SMARCAL1: variants seen among roughly 807,000 people sequenced by gnomAD.
SMARCAL1 encodes SNF2 related chromatin remodeling annealing helicase 1, also known as ATP-driven annealing helicase.
SMARCAL1 carries 58 observed loss-of-function variants against 94.5 expected under a neutral mutation model. That is an observed-to-expected ratio of 0.61 (90% CI 0.50 to 0.76). SMARCAL1 has a LOEUF of 0.76. SMARCAL1 is among the 30% of genes least tolerant of loss of function. The pLI is 0.00. For missense variants in SMARCAL1, 1,051 were observed against 1,177.9 expected (o/e 0.89, Z 1.58); for synonymous variants, 422 against 455.1 (o/e 0.93, Z 0.93).
At chr2:216,416,883 G>C (rs1693614511) in intron 4 of SMARCAL1, among the ~76,000 whole-genome samples, 2 of 152,252 alleles carry the variant, frequency 1.3e-5, no homozygotes, top group Admixed American at 1.3e-4. Flanking sequence ...CTAATGCAGT[G>C]TCTGGTCATA....
intron 12 of SMARCAL1, among the ~76,000 whole-genome samples, chr2:216,461,353 T>G (rs1240885660): frequency 6.6e-6 from 1 of 151,966 alleles, no homozygotes; most frequent in Non-Finnish European, 1.5e-5. Flanking sequence ...TATGTGTGTA[T>G]ATGTTGCTTT....
chr2:216,469,450 T>G (rs1694912652), intron 14 of SMARCAL1, among the ~76,000 whole-genome samples: 1 of 151,574 alleles, frequency 6.6e-6, no homozygotes, highest in African/African-American at 2.4e-5. Flanking sequence ...CCTGGCTAAT[T>G]TTTTTGTATT....
intron 8 of SMARCAL1, among the ~76,000 whole-genome samples, chr2:216,434,580 A>G (rs1007457359): frequency 6.6e-6 from 1 of 152,098 alleles, no homozygotes; most frequent in Non-Finnish European, 1.5e-5. Context: ...TCAGGCCTGT[A>G]GTCTCAGCAA....
Position 216,475,549 on chromosome 2 carries a change from A to G in SMARCAL1, c.2427+98A>G, listed in dbSNP as rs1369980374. On this transcript the variant is annotated intron_variant, in intron 15 of 17. Coordinates refer to ENST00000357276, the MANE Select transcript of SMARCAL1 (RefSeq NM_014140.4). This position sits in a 1 kb window ranked among gnomAD's most constrained non-coding sequence, Gnocchi z 4.4. ...TCGGGGAAAGTGTGGTTTCCCTTTTATCCATTCATTATACTTCCCACAAGT... is the reference window on the plus strand; with the variant it reads ...TCGGGGAAAGTGTGGTTTCCCTTTTGTCCATTCATTATACTTCCCACAAGT... 7 of 1,244,684 alleles carry G rather than the reference A, an allele frequency of 5.6e-6. No individual in the cohort carries two copies. In the East Asian group the frequency reaches 1.4e-4, roughly 25 times the overall value. 77.1% of individuals were successfully genotyped at this position (1,244,684 alleles called of 1,614,324 possible). A position where few individuals can be genotyped will look rare whatever the true frequency, so the allele number is the denominator to read the frequency against.
intron 14 of SMARCAL1, among the ~76,000 whole-genome samples, chr2:216,472,803 C>A (rs954278436): frequency 6.6e-6 from 1 of 151,798 alleles, no homozygotes; most frequent in Non-Finnish European, 1.5e-5. Context: ...TTTACCCCAT[C>A]AAGTCAGTAG....
intron 4 of SMARCAL1, among the ~76,000 whole-genome samples, chr2:216,420,027 T>TC (rs1693679849): frequency 2.4e-5 from 1 of 42,244 alleles, no homozygotes; most frequent in Non-Finnish European, 4.1e-5. Context: ...AGACCCCGTC[T>TC]CAAAAAAAAA....
chr2:216,431,062 C>A (rs1693952136), intron 7 of SMARCAL1, among the ~76,000 whole-genome samples: 1 of 152,214 alleles, frequency 6.6e-6, no homozygotes, highest in Non-Finnish European at 1.5e-5. Context: ...GGAAGGGCTG[C>A]CCCCTCTCCT....
chr2:216,460,143 C>T (rs538497185), intron 12 of SMARCAL1, among the ~76,000 whole-genome samples: 1 of 152,328 alleles, frequency 6.6e-6, no homozygotes, highest in Admixed American at 6.5e-5. Context: ...GAGATACCAT[C>T]TCACACCAGT....
chr2:216,425,156 G>T, intron 6 of SMARCAL1, among the ~76,000 whole-genome samples: 1 of 152,220 alleles, frequency 6.6e-6, no homozygotes, highest in Non-Finnish European at 1.5e-5. Context: ...TACCAGTCCA[G>T]ATTCCACACC....
At chr2:216,478,320 T>TTCA (rs769164571) in intron 17 of SMARCAL1, 21 bp downstream of exon 17, 2 of 1,573,630 alleles carry the variant, frequency 1.3e-6, no homozygotes, top group Non-Finnish European at 1.7e-6. Flanking sequence ...CACATGGCTC[T>TTCA]TCACCCCTGG....
intron 12 of SMARCAL1, among the ~76,000 whole-genome samples, chr2:216,455,504 TC>T (rs1219303039): frequency 6.6e-6 from 1 of 152,184 alleles, no homozygotes; most frequent in Admixed American, 6.5e-5. Flanking sequence ...AAATGAAACT[TC>T]CAGAAGAACG....
At chr2:216,448,254 A>T (rs1694361454) in intron 11 of SMARCAL1, among the ~76,000 whole-genome samples, 1 of 152,158 alleles carries the variant, frequency 6.6e-6, no homozygotes, top group South Asian at 2.1e-4. Flanking sequence ...TCCAGATTAG[A>T]CTGATGCTAT....
rs774965940 is a variant in SMARCAL1, at chr2:216,432,856, C to T, written c.1473C>T (p.Phe491=). The stretch of plus-strand genomic sequence containing the variant: ...TGGTGGTGCCATCCTCCGTGCGCTT[C>T]ACCTGGGAGCAGGTTAATGGTCTTC... ...LLVVVPSSVR[F]TWEQAFLRWL... The change falls in exon 8 of 18, where the codon TTC becomes TTT. Residue 491 remains phenylalanine, a synonymous_variant. Transcript: ENST00000357276. 1.2e-6 allele frequency: 2 copies of T among 1,614,224 alleles called. No homozygotes were observed. The highest frequency in any genetic ancestry group is 8.5e-7 in the Non-Finnish European group (1 of 1,180,044).
chr2:216,420,254 A>T, intron 4 of SMARCAL1, 45 bp from the exon 5 acceptor site: 1 of 1,496,756 alleles, frequency 6.7e-7, no homozygotes, highest in Non-Finnish European at 9.2e-7. Flanking sequence ...GCCACATCAT[A>T]GTCCCCTGCT....
rs771595818 is a variant in SMARCAL1, at chr2:216,414,709, C to T, written c.5C>T (p.Ser2Phe). The T allele has an allele frequency of 1.9e-6, 3 of 1,613,836 alleles. No homozygotes were observed. Among genetic ancestry groups the T allele is most frequent in the South Asian group, 2.2e-5 (2 of 91,038 alleles). Residue 2 changes from serine to phenylalanine, a missense_variant, in exon 3 of 18, where the codon TCC (serine) becomes TTC (phenylalanine). Physicochemically the swap from Ser to Phe is radical, Grantham distance 155. Around this residue, in one of 3 missense-constraint regions of SMARCAL1, gnomAD observed 398 missense variants for 395.2 expected, o/e 1.01. Transcript: ENST00000357276. M[S>F]LPLTEEQRKK... ...CATAAGCATTTCTCTGTGAAAATGTCCTTGCCTCTTACAGAGGAGCAGAGG... is the reference window on the plus strand; with the variant it reads ...CATAAGCATTTCTCTGTGAAAATGTTCTTGCCTCTTACAGAGGAGCAGAGG...
chr2:216,465,573 T>G (rs1694814176), intron 13 of SMARCAL1, among the ~76,000 whole-genome samples: 1 of 152,282 alleles, frequency 6.6e-6, no homozygotes, highest in African/African-American at 2.4e-5. Flanking sequence ...ATTTCTATTC[T>G]TACAATTATT....
rs1272625695 is a variant in SMARCAL1, at chr2:216,440,923, A to G, written c.1710+2438A>G. Among the ~76,000 whole-genome samples, 4 of 152,176 alleles carry G rather than the reference A, an allele frequency of 2.6e-5. No homozygotes were observed. The East Asian group carries it at 7.7e-4, about 29-fold the overall frequency. ...ACCGAATGTCCTCTGAGGGAGGACA[A>G]ATCACTCTCTACTCACCTTGCCCTT... On this transcript the variant is annotated intron_variant, in intron 10 of 17. Transcript: ENST00000357276.
intron 6 of SMARCAL1, among the ~76,000 whole-genome samples, chr2:216,425,446 T>C (rs1226927202): frequency 3.9e-5 from 6 of 152,212 alleles, no homozygotes; most frequent in Admixed American, 3.9e-4. Flanking sequence ...TTACAGCATG[T>C]TACAGCTCTG....
At chr2:216,422,887 T>TA (rs1693755319) in intron 5 of SMARCAL1, among the ~76,000 whole-genome samples, 2 of 152,368 alleles carry the variant, frequency 1.3e-5, no homozygotes, top group Middle Eastern at 6.8e-3. Flanking sequence ...TCTTAGTTGA[T>TA]ATTGTGTGTA....
Sources: allele counts gnomAD v4.1 joint callset (sites outside exome capture counted in the v4.1 genomes callset), GRCh38; gene constraint gnomAD v4.1.1; regional missense constraint gnomAD v4.1.1; non-coding constraint Gnocchi (gnomAD v3.1); transcripts MANE v1.5; gene names NCBI Gene and HGNC (gene_info 2026-07-23, HGNC 2026-07-21).